XPO1: variants seen among roughly 807,000 people sequenced by gnomAD.
XPO1 encodes the protein exportin 1.
XPO1 carries 5 observed loss-of-function variants against 133.3 expected under a neutral mutation model. The observed-to-expected ratio is 0.04, with a 90% CI of 0.02 to 0.08. The LOEUF is 0.08. Among genes scored for constraint, XPO1 ranks in the 10% least tolerant of loss-of-function variants. The pLI is 1.00. For missense variants in XPO1, 506 were observed against 1,267.5 expected (o/e 0.40, Z 9.12); for synonymous variants, 419 against 408.2 (o/e 1.03, Z -0.32).
At chr2:61,483,519 C>A (rs540474629) in intron 21 of XPO1, 2 of 186,530 alleles carry the variant, frequency 1.1e-5, no homozygotes, top group Non-Finnish European at 2.2e-5. Context: ...ATTCATGTAA[C>A]CAAAAACCAC....
chr2:61,530,540 G>A lies in XPO1; in HGVS notation c.126+3232C>T, dbSNP rs573312391. 1.4e-4 allele frequency among the ~76,000 whole-genome samples: 22 copies of A among 152,098 alleles called. 1 individual carries two copies. The South Asian group carries it at 3.7e-3, about 26-fold the overall frequency. Reference sequence around the variant, plus strand: ...TTGGAGAAAACATCCAACTCTTCCCGCATCTTTTTTCTAGCTGTCTACTTG... The same window carrying A: ...TTGGAGAAAACATCCAACTCTTCCCACATCTTTTTTCTAGCTGTCTACTTG... On this transcript the variant is annotated intron_variant, in intron 2 of 24. Transcript: ENST00000401558.
chr2:61,485,852 G>A lies in XPO1; in HGVS notation c.2424C>T (p.Val808=), dbSNP rs1696666511. 2 of 1,613,866 alleles carry A rather than the reference G, an allele frequency of 1.2e-6. No individual in the cohort carries two copies. Among genetic ancestry groups the A allele is most frequent in the African/African-American group, 2.7e-5 (2 of 74,894 alleles). The change falls in exon 20 of 25, where the codon GTC becomes GTT. Residue 808 remains valine, a synonymous_variant. Coordinates refer to ENST00000401558, the MANE Select transcript of XPO1 (RefSeq NM_003400.4). ...CTGTTATATGTCCCCCTAACTTGTT[G>A]ACAATTATGGCCATAGTACTAAGCA... ...PEVLSTMAII[V]NKLGGHITAE...
intron 4 of XPO1, among the ~76,000 whole-genome samples, chr2:61,510,129 T>C (rs991596932): frequency 6.6e-6 from 1 of 151,784 alleles, no homozygotes; most frequent in Non-Finnish European, 1.5e-5. Flanking sequence ...TACAAAAAAA[T>C]AGCCAGGCAT....
intron 16 of XPO1, among the ~76,000 whole-genome samples, chr2:61,491,274 A>G (rs925799177): frequency 2.6e-5 from 4 of 152,056 alleles, no homozygotes; most frequent in African/African-American, 9.7e-5. Context: ...GAGCCTGACC[A>G]ACATGGAGAA....
chr2:61,533,524 C>T (rs1406397618), intron 2 of XPO1, among the ~76,000 whole-genome samples: 1 of 152,116 alleles, frequency 6.6e-6, no homozygotes, highest in Admixed American at 6.5e-5. Flanking sequence ...TTAATACCTA[C>T]AAAGTATTTA....
chr2:61,524,694 AGGCG>A (rs1698840038), intron 3 of XPO1, among the ~76,000 whole-genome samples: 1 of 152,260 alleles, frequency 6.6e-6, no homozygotes, highest in Non-Finnish European at 1.5e-5. Flanking sequence ...GGGGAGGCCA[AGGCG>A]GGAGGGCCAG....
intron 4 of XPO1, among the ~76,000 whole-genome samples, chr2:61,518,461 C>T (rs1304895850): frequency 6.9e-6 from 1 of 144,162 alleles, no homozygotes; most frequent in Non-Finnish European, 1.5e-5. Flanking sequence ...CACACACACA[C>T]ACAAAGTTAG....
intron 24 of XPO1, 80 bp downstream of exon 24, chr2:61,481,103 CAA>C (rs1696327567): frequency 1.2e-6 from 1 of 821,516 alleles, no homozygotes; most frequent in Non-Finnish European, 1.8e-6. Flanking sequence ...CATGACAAAT[CAA>C]GTGATAAAAA....
At position 61,485,824 on chromosome 2, in the gene XPO1, C is replaced by G; in HGVS notation, c.2452G>C (p.Glu818Gln). The change falls in exon 20 of 25, where the codon GAA (glutamate) becomes CAA (glutamine). Residue 818 changes from glutamate to glutamine, a missense_variant. This residue lies in a region of XPO1 where 203 missense variants were observed against 365.9 expected (regional missense o/e 0.55). Transcript: ENST00000401558. ...ACAGCATCAAATATTTGAGGTATTT[C>G]AGCTGTTATATGTCCCCCTAACTTG... ...VNKLGGHITA[E>Q]IPQIFDAVFE... The G allele has an allele frequency of 6.2e-7, 1 of 1,613,830 alleles. No homozygotes were observed. The highest frequency in any genetic ancestry group is 8.5e-7 in the Non-Finnish European group (1 of 1,179,886).
At chr2:61,495,109 C>G (rs1339421020) in intron 11 of XPO1, among the ~76,000 whole-genome samples, 1 of 151,996 alleles carries the variant, frequency 6.6e-6, no homozygotes, top group African/African-American at 2.4e-5. Flanking sequence ...TCCCAAAGTG[C>G]TGGGATTACA....
chr2:61,537,496 GCCT>G (rs1447021800), intron 1 of XPO1, 63 bp downstream of exon 1: 1 of 147,312 alleles, frequency 6.8e-6, no homozygotes, highest in Non-Finnish European at 1.5e-5. Flanking sequence ...CCCCACGCCG[GCCT>G]CCTCCCGCCC....
At chr2:61,502,440 A>T in intron 4 of XPO1, 130 bp from the exon 5 acceptor site, 1 of 887,924 alleles carries the variant, frequency 1.1e-6, no homozygotes, top group Non-Finnish European at 1.7e-6. Context: ...TAATCCTGTC[A>T]CCAGTATTGG....
intron 2 of XPO1, among the ~76,000 whole-genome samples, chr2:61,530,387 TAAAAAA>T (rs912252260): frequency 1.3e-5 from 2 of 148,598 alleles, no homozygotes; most frequent in South Asian, 4.2e-4. Context: ...AGCAGGGGTT[TAAAAAA>T]AAAAGACACA....
intron 4 of XPO1, among the ~76,000 whole-genome samples, chr2:61,514,853 T>G (rs1698287487): frequency 6.6e-6 from 1 of 151,984 alleles, no homozygotes; most frequent in African/African-American, 2.4e-5. Context: ...AGTGGACAGA[T>G]CACCTGAGGT....
rs559130710 is a variant in XPO1, at chr2:61,491,925, C to G, written c.1887+110G>C. The G allele has an allele frequency of 6.8e-6, 9 of 1,326,176 alleles. No homozygotes were observed. In the African/African-American group the frequency reaches 1.3e-4, roughly 20 times the overall value. 82.2% of individuals were successfully genotyped at this position (1,326,176 alleles called of 1,614,324 possible). On this transcript the variant is annotated intron_variant, in intron 16 of 24. Transcript: ENST00000401558. ...AAGGAAAAAAGAAAGAAAATTTAATCAGAAACACTTCTATTGGATCCAATA... is the reference window on the plus strand; with the variant it reads ...AAGGAAAAAAGAAAGAAAATTTAATGAGAAACACTTCTATTGGATCCAATA...
chr2:61,490,053 G>T (rs1243457528), intron 17 of XPO1, among the ~76,000 whole-genome samples: 1 of 151,502 alleles, frequency 6.6e-6, no homozygotes, highest in African/African-American at 2.4e-5. Context: ...ACCATGCCTG[G>T]CTAATTTTTG....
intron 4 of XPO1, among the ~76,000 whole-genome samples, chr2:61,513,351 C>T (rs1352351414): frequency 1.5e-5 from 2 of 134,142 alleles, no homozygotes; most frequent in Admixed American, 8.4e-5. Context: ...TATAAGAAAA[C>T]GTACAGAATA....
intron 17 of XPO1, 92 bp from the exon 18 acceptor site, chr2:61,488,863 A>G: frequency 1.4e-6 from 2 of 1,397,770 alleles, no homozygotes; most frequent in Non-Finnish European, 2.0e-6. Flanking sequence ...GCACTCTGAG[A>G]GGCCGAGGCG....
intron 3 of XPO1, among the ~76,000 whole-genome samples, chr2:61,522,938 C>G (rs1698760626): frequency 6.6e-6 from 1 of 152,032 alleles, no homozygotes; most frequent in African/African-American, 2.4e-5. Flanking sequence ...GAGGAAGAAC[C>G]AAATAAAAAG....
Sources: gnomAD v4.1 joint callset for allele counts (sites outside exome capture counted in the v4.1 genomes callset) on GRCh38, gnomAD v4.1.1 for gene constraint, gnomAD v4.1.1 regional missense constraint, MANE v1.5 for transcripts, NCBI Gene and HGNC (gene_info 2026-07-23, HGNC 2026-07-21) for gene names.